The following AKT3 variants were observed in gnomAD, a reference collection of about 807,000 sequenced individuals.
AKT3 encodes RAC-gamma serine/threonine-protein kinase.
A neutral mutation model predicts 65.3 loss-of-function variants in AKT3; 15 were observed. That is an observed-to-expected ratio of 0.23 (90% CI 0.15 to 0.35). AKT3 has a LOEUF of 0.35. Among genes scored for constraint, AKT3 ranks in the 10% least tolerant of loss-of-function variants. The pLI is 1.00. For missense variants in AKT3, 243 were observed against 576.5 expected (o/e 0.42, Z 5.92); for synonymous variants, 206 against 183.8 (o/e 1.12, Z -0.98).
At chr1:243,518,877 A>G (rs1037638986) in intron 12 of AKT3, among the ~76,000 whole-genome samples, 6 of 152,228 alleles carry the variant, frequency 3.9e-5, no homozygotes, top group Admixed American at 3.9e-4. Context: ...ACTAAGAAGG[A>G]TAAGACATCA....
chr1:243,691,378 G>A (rs551816192), intron 3 of AKT3, among the ~76,000 whole-genome samples: 2 of 152,274 alleles, frequency 1.3e-5, no homozygotes, highest in African/African-American at 4.8e-5. Context: ...ATCCAAGGCA[G>A]GGCTTTCACA....
chr1:243,718,838 T>C (rs899285603), intron 2 of AKT3, among the ~76,000 whole-genome samples: 1 of 152,208 alleles, frequency 6.6e-6, no homozygotes, highest in Non-Finnish European at 1.5e-5. Flanking sequence ...TTTTAAATAT[T>C]CTATCCAATA....
At chr1:243,606,290 A>G (rs1403992273) in intron 8 of AKT3, among the ~76,000 whole-genome samples, 2 of 152,224 alleles carry the variant, frequency 1.3e-5, no homozygotes, top group East Asian at 3.8e-4. Flanking sequence ...AAGAAGACAG[A>G]AAAACGTGAG....
intron 2 of AKT3, among the ~76,000 whole-genome samples, chr1:243,824,085 A>C (rs1469213063): frequency 6.6e-6 from 1 of 152,168 alleles, no homozygotes; most frequent in Non-Finnish European, 1.5e-5. Flanking sequence ...AATAAAATAG[A>C]AATCTCAGAT....
intron 2 of AKT3, among the ~76,000 whole-genome samples, chr1:243,839,314 G>T (rs1056591696): frequency 6.6e-6 from 1 of 152,142 alleles, no homozygotes; most frequent in African/African-American, 2.4e-5. Flanking sequence ...GAGTCACCTA[G>T]AACATACCTA....
intron 5 of AKT3, among the ~76,000 whole-genome samples, chr1:243,640,227 T>A (rs151135064): frequency 1.3e-5 from 2 of 152,196 alleles, no homozygotes; most frequent in African/African-American, 2.4e-5. Flanking sequence ...CTAGTGTCAT[T>A]TGAACAAATA....
intron 2 of AKT3, among the ~76,000 whole-genome samples, chr1:243,778,083 C>T (rs1305139976): frequency 6.6e-6 from 1 of 152,102 alleles, no homozygotes; most frequent in African/African-American, 2.4e-5. Flanking sequence ...TGCCTATTAC[C>T]TCACTTAGTA....
intron 2 of AKT3, among the ~76,000 whole-genome samples, chr1:243,766,970 T>C (rs1426645292): frequency 6.6e-6 from 1 of 152,104 alleles, no homozygotes; most frequent in Non-Finnish European, 1.5e-5. Flanking sequence ...ATGATGACAA[T>C]GGCATACCCA....
chr1:243,666,155 C>T (rs905885425), intron 3 of AKT3, among the ~76,000 whole-genome samples: 1 of 152,092 alleles, frequency 6.6e-6, no homozygotes, highest in African/African-American at 2.4e-5. Flanking sequence ...AGGCGTGCAC[C>T]ACCATGCCCA....
chr1:243,721,219 T>A (rs371646152), intron 2 of AKT3, among the ~76,000 whole-genome samples: 14 of 152,206 alleles, frequency 9.2e-5, no homozygotes, highest in African/African-American at 3.4e-4. Context: ...AGAAATTCTC[T>A]GACCTACCCT....
chr1:243,640,619 C>G (rs1489515923), intron 5 of AKT3, among the ~76,000 whole-genome samples: 1 of 152,036 alleles, frequency 6.6e-6, no homozygotes, highest in African/African-American at 2.4e-5. Context: ...ATTACCACTC[C>G]GAGAGAGAGA....
chr1:243,501,143 G>T lies in AKT3; in HGVS notation c.*4106C>A, dbSNP rs1454116405. The T allele has an allele frequency of 8.7e-6, 2 of 231,182 alleles. No individual in the cohort carries two copies. The highest frequency in any genetic ancestry group is 4.4e-5 in the African/African-American group (2 of 45,214). 14.3% of individuals were successfully genotyped at this position (231,182 alleles called of 1,614,324 possible). ...CTCTGGTCCCAAAAGCCATTCCTCT[G>T]TCTGGCTTCGTCACAGGAGCAAAGC... On this transcript the variant is annotated 3_prime_UTR_variant, in exon 14 of 14. Coordinates refer to ENST00000673466, the MANE Select transcript of AKT3 (RefSeq NM_005465.7).
intron 6 of AKT3, among the ~76,000 whole-genome samples, chr1:243,631,936 A>G (rs1679640971): frequency 6.6e-6 from 1 of 152,138 alleles, no homozygotes; most frequent in Admixed American, 6.5e-5. Context: ...TGCTAATTCT[A>G]GTTCTCTTGC....
downstream of AKT3, among the ~76,000 whole-genome samples, chr1:243,498,451 C>T (rs531046894): frequency 6.6e-6 from 1 of 152,234 alleles, no homozygotes; most frequent in Admixed American, 6.5e-5. Flanking sequence ...GGCAGGTTTA[C>T]GAGGAGGAGT....
intron 2 of AKT3, among the ~76,000 whole-genome samples, chr1:243,793,942 C>T (rs78363706): frequency 0.01 from 1,539 of 152,288 alleles, 21 homozygotes; most frequent in African/African-American, 0.035. Flanking sequence ...TAGAAATTTA[C>T]TTATGGTTAC....
chr1:243,549,232 C>A (rs2148457632), intron 11 of AKT3, among the ~76,000 whole-genome samples: 1 of 152,220 alleles, frequency 6.6e-6, no homozygotes, highest in African/African-American at 2.4e-5. Flanking sequence ...CTCAGTGTAC[C>A]CAAAGTTATT....
chr1:243,775,135 T>C (rs759779581), intron 2 of AKT3, among the ~76,000 whole-genome samples: 90 of 152,174 alleles, frequency 5.9e-4, no homozygotes, highest in Non-Finnish European at 1.1e-3. Context: ...AGTGTTGGCA[T>C]TACAGGCGTG....
At chr1:243,632,828 C>A (rs373026880) in intron 6 of AKT3, among the ~76,000 whole-genome samples, 1 of 152,184 alleles carries the variant, frequency 6.6e-6, no homozygotes, top group South Asian at 2.1e-4. Flanking sequence ...AAACCTCACA[C>A]GCCAACCTTT....
intron 8 of AKT3, among the ~76,000 whole-genome samples, chr1:243,575,064 G>A (rs1674843112): frequency 1.3e-5 from 2 of 152,084 alleles, no homozygotes; most frequent in South Asian, 4.1e-4. Flanking sequence ...TATCTGATGT[G>A]TACCCTTACT....
Sources: gnomAD v4.1 joint callset for allele counts (sites outside exome capture counted in the v4.1 genomes callset) on GRCh38, gnomAD v4.1.1 for gene constraint, MANE v1.5 for transcripts, NCBI Gene and HGNC (gene_info 2026-07-23, HGNC 2026-07-21) for gene names.